Variants in DDAH1 observed in about 807,000 individuals in gnomAD.
DDAH1 encodes N(G),N(G)-dimethylarginine dimethylaminohydrolase 1.
A neutral mutation model predicts 28.8 loss-of-function variants in DDAH1; 19 were observed. The ratio of observed to expected loss-of-function variants is 0.66; its 90% CI spans 0.46 to 0.97. The LOEUF is 0.97. DDAH1 is among the 50% of genes least tolerant of loss of function. DDAH1 has a pLI of 0.00. For missense variants in DDAH1, 326 were observed against 375.9 expected (o/e 0.87, Z 1.10); for synonymous variants, 153 against 154.4 (o/e 0.99, Z 0.07).
intron 4 of DDAH1, among the ~76,000 whole-genome samples, chr1:85,329,158 C>T (rs1647604333): frequency 6.6e-6 from 1 of 152,212 alleles, no homozygotes; most frequent in Non-Finnish European, 1.5e-5. Context: ...GTCATACATT[C>T]CAGAGGAAGT....
At chr1:85,430,837 A>T (rs1268255435) in intron 1 of DDAH1, among the ~76,000 whole-genome samples, 1 of 152,122 alleles carries the variant, frequency 6.6e-6, no homozygotes, top group Non-Finnish European at 1.5e-5. Context: ...TCATCTGCAA[A>T]CAGAGACAAT....
At chr1:85,518,163 C>T (rs1237908996) in intron 1 of DDAH1, among the ~76,000 whole-genome samples, 1 of 152,222 alleles carries the variant, frequency 6.6e-6, no homozygotes, top group African/African-American at 2.4e-5. Context: ...TATATATGCA[C>T]CCTGGAATCA....
chr1:85,485,209 A>G (rs191987593), intron 2 of DDAH1, among the ~76,000 whole-genome samples: 54 of 152,326 alleles, frequency 3.5e-4, no homozygotes, highest in African/African-American at 1.3e-3. Flanking sequence ...ACAGATAATG[A>G]CAATGACAAC....
intron 1 of DDAH1, among the ~76,000 whole-genome samples, chr1:85,457,991 A>C (rs1442299332): frequency 1.4e-5 from 2 of 146,088 alleles, no homozygotes; most frequent in Non-Finnish European, 3.0e-5. Context: ...ACCCAGCCCA[A>C]AACGTCTTTT....
chr1:85,558,098 G>A (rs1374246482), intron 1 of DDAH1, among the ~76,000 whole-genome samples: 1 of 152,100 alleles, frequency 6.6e-6, no homozygotes, highest in African/African-American at 2.4e-5. Flanking sequence ...TGGGTGCAGT[G>A]GCTCATGCCT....
chr1:85,532,695 C>A (rs1157758571), intron 1 of DDAH1, among the ~76,000 whole-genome samples: 1 of 151,968 alleles, frequency 6.6e-6, no homozygotes, highest in African/African-American at 2.4e-5. Flanking sequence ...AGGGGAGAAT[C>A]CCTCTTTTAA....
At chr1:85,328,415 G>C (rs1393188719) in intron 4 of DDAH1, among the ~76,000 whole-genome samples, 1 of 152,226 alleles carries the variant, frequency 6.6e-6, no homozygotes, top group East Asian at 1.9e-4. Context: ...CGATATGCAA[G>C]GTGGCAGTTA....
chr1:85,459,342 T>A (rs1421596679), intron 1 of DDAH1, among the ~76,000 whole-genome samples: 4 of 152,208 alleles, frequency 2.6e-5, no homozygotes, highest in Non-Finnish European at 5.9e-5. Flanking sequence ...CATTTTCAGC[T>A]AATAGTATCT....
chr1:85,380,813 T>C (rs1650942588), intron 1 of DDAH1, among the ~76,000 whole-genome samples: 1 of 152,234 alleles, frequency 6.6e-6, no homozygotes, highest in Admixed American at 6.5e-5. Context: ...TAAAGGGTGC[T>C]ATCTTAGACT....
In DDAH1 at chr1:85,397,852, T is replaced by G. The variant is rs191431594; in HGVS notation, c.304-39005A>C. Among the ~76,000 whole-genome samples, 16 of 152,282 alleles carry G rather than the reference T, an allele frequency of 1.1e-4. No individual in the cohort carries two copies. In the East Asian group the frequency reaches 3.1e-3, roughly 29 times the overall value. ...TGAAGGTAGGGCCTGGTGGGAGGCC[T>G]CTCTCGCTATGTGACTCTACTGACT... On this transcript the variant is annotated intron_variant, in intron 1 of 5. Coordinates refer to ENST00000284031, the MANE Select transcript of DDAH1 (RefSeq NM_012137.4).
chr1:85,400,796 C>A (rs1225645719), intron 1 of DDAH1, among the ~76,000 whole-genome samples: 5 of 152,142 alleles, frequency 3.3e-5, no homozygotes, highest in African/African-American at 1.2e-4. Context: ...GAATTTGTGA[C>A]CCATCTGTAA....
intron 5 of DDAH1, among the ~76,000 whole-genome samples, chr1:85,324,140 A>G (rs1661470439): frequency 6.7e-6 from 1 of 148,502 alleles, no homozygotes; most frequent in East Asian, 2.0e-4. Context: ...TTGTGGTGGT[A>G]TATGCATGTA....
At chr1:85,397,004 T>C (rs1651846399) in intron 1 of DDAH1, among the ~76,000 whole-genome samples, 1 of 150,728 alleles carries the variant, frequency 6.6e-6, no homozygotes, top group Non-Finnish European at 1.5e-5. Flanking sequence ...ATCACTGCAC[T>C]CCAGGCTGGG....
intron 1 of DDAH1, among the ~76,000 whole-genome samples, chr1:85,405,644 G>A (rs1409653825): frequency 7.1e-6 from 1 of 140,944 alleles, no homozygotes; most frequent in Non-Finnish European, 1.6e-5. Context: ...AAAAAAAAAA[G>A]CCCTACTTTA....
intron 1 of DDAH1, among the ~76,000 whole-genome samples, chr1:85,511,990 C>T (rs1455878007): frequency 1.3e-5 from 2 of 152,178 alleles, no homozygotes; most frequent in South Asian, 2.1e-4. Flanking sequence ...TCCTCCCTAA[C>T]TCATTTTACG....
chr1:85,351,602 T>C lies in DDAH1; in HGVS notation c.404-23A>G, dbSNP rs233082. 2,924 of 1,591,464 alleles carry C rather than the reference T, an allele frequency of 1.8e-3. 52 individuals carry two copies. The African/African-American group carries it at 0.035, about 19-fold the overall frequency. On this transcript the variant is annotated intron_variant, in intron 2 of 5. Coordinates refer to ENST00000284031, the MANE Select transcript of DDAH1 (RefSeq NM_012137.4). ...TGCCTGTAATAGATGTCATGGAACATAGTGAGCAGGTGGCACCAGTGACTG... is the reference window on the plus strand; with the variant it reads ...TGCCTGTAATAGATGTCATGGAACACAGTGAGCAGGTGGCACCAGTGACTG...
chr1:85,351,048 T>C (rs1156871146), intron 3 of DDAH1, among the ~76,000 whole-genome samples: 4 of 151,688 alleles, frequency 2.6e-5, no homozygotes, highest in Admixed American at 6.6e-5. Flanking sequence ...ACAGAGTCAA[T>C]TGGGTTTCCA....
At chr1:85,504,341 G>A (rs1166323526) in intron 1 of DDAH1, among the ~76,000 whole-genome samples, 1 of 152,174 alleles carries the variant, frequency 6.6e-6, no homozygotes, top group African/African-American at 2.4e-5. Context: ...TAAAATTAAA[G>A]AGAACAAAGG....
chr1:85,502,444 T>G (rs1390784316), intron 1 of DDAH1, among the ~76,000 whole-genome samples: 1 of 152,242 alleles, frequency 6.6e-6, no homozygotes, highest in African/African-American at 2.4e-5. Flanking sequence ...TCACACATGC[T>G]CAACTGCTGG....
Sources: allele counts gnomAD v4.1 joint callset (sites outside exome capture counted in the v4.1 genomes callset), GRCh38; gene constraint gnomAD v4.1.1; transcripts MANE v1.5; gene names NCBI Gene and HGNC (gene_info 2026-07-23, HGNC 2026-07-21).